The following ZNF813 variants were observed in gnomAD, a reference collection of about 807,000 sequenced individuals.
ZNF813 encodes the protein zinc finger protein 813.
In ZNF813, 3 loss-of-function variants were observed where a neutral mutation model predicts 7.2. The observed-to-expected ratio is 0.42, with a 90% confidence interval of 0.19 to 1.08. ZNF813 has a LOEUF of 1.08. Among genes scored for constraint, ZNF813 ranks in the 50% least tolerant of loss-of-function variants. The pLI is 0.30. For synonymous variants in ZNF813, 227 were observed against 256.3 expected (o/e 0.89, Z 1.09); for missense variants, 714 against 753.3 (o/e 0.95, Z 0.61).
rs751733582 is a variant in ZNF813 at position 53,490,378 on chromosome 19, T to C, written c.146T>C (p.Ile49Thr). 6 of 1,613,870 alleles carry C rather than the reference T, an allele frequency of 3.7e-6. No homozygotes were observed. Among genetic ancestry groups the C allele is most frequent in the Admixed American group, 3.3e-5 (2 of 59,976 alleles). Residue 49 changes from isoleucine (I) to threonine (T), a missense_variant, in exon 4 of 4, where the codon ATC becomes ACC. Around this residue, in one of 3 missense-constraint regions of ZNF813, gnomAD observed 563 missense variants for 554.2 expected, o/e 1.02. Coordinates refer to ENST00000396403, the MANE Select transcript of ZNF813 (RefSeq NM_001004301.4). ...TATTCGTGTTTATATTTTGTAGATATCTCTTCCAAATGCATGATGAAGGAG... is the reference window on the plus strand; with the variant it reads ...TATTCGTGTTTATATTTTGTAGATACCTCTTCCAAATGCATGATGAAGGAG... ...ENYRNLVSLD[I>T]SSKCMMKEFS...
intron 1 of ZNF813, among the ~76,000 whole-genome samples, chr19:53,482,400 A>T (rs903527069): frequency 7.9e-5 from 12 of 152,146 alleles, no homozygotes; most frequent in African/African-American, 2.9e-4. Flanking sequence ...CAGCCCTGTG[A>T]CCAGGGCCCC....
intron 3 of ZNF813, chr19:53,488,253 C>T (rs114903145): frequency 2.2e-6 from 1 of 455,496 alleles, no homozygotes; most frequent in African/African-American, 2.0e-5. Context: ...AAACTCCTGC[C>T]CTCAGGTGAT....
At chr19:53,476,415 G>A (rs2086381989) in intron 1 of ZNF813, among the ~76,000 whole-genome samples, 1 of 151,972 alleles carries the variant, frequency 6.6e-6, no homozygotes, top group Non-Finnish European at 1.5e-5. Context: ...TGGATCACGA[G>A]GTCAGGAGTC....
intron 1 of ZNF813, among the ~76,000 whole-genome samples, chr19:53,468,513 T>C (rs1313122970): frequency 1.3e-5 from 2 of 152,194 alleles, no homozygotes; most frequent in Non-Finnish European, 2.9e-5. Flanking sequence ...TCAGTATTTA[T>C]TGATCATTAT....
chr19:53,488,574 A>T (rs2086444660), intron 3 of ZNF813, among the ~76,000 whole-genome samples: 1 of 141,764 alleles, frequency 7.1e-6, no homozygotes, highest in African/African-American at 2.6e-5. Flanking sequence ...ACACCCGGCT[A>T]ATTTTTTGTA....
chr19:53,481,666 T>C (rs1272120186), intron 1 of ZNF813, among the ~76,000 whole-genome samples: 2 of 152,180 alleles, frequency 1.3e-5, no homozygotes, highest in African/African-American at 4.8e-5. Flanking sequence ...TATTCTTGAT[T>C]GAAAAACTTT....
rs1165688615 is a variant in ZNF813 at position 53,493,833 on chromosome 19, A to G, written c.*1747A>G. 2 of 152,268 alleles carry G rather than the reference A, an allele frequency of 1.3e-5. No homozygotes were observed. Among genetic ancestry groups the G allele is most frequent in the Admixed American group, 1.3e-4 (2 of 15,270 alleles). 9.4% of individuals were successfully genotyped at this position (152,268 alleles called of 1,614,324 possible). A position where few individuals can be genotyped will look rare whatever the true frequency, so the allele number is the denominator to read the frequency against. ...CTAGGACAGCCAGTATTTATTGAAT[A>G]GAAGGGGTGAGAGCATTCTTCCATC... On this transcript the variant is annotated 3_prime_UTR_variant, in exon 4 of 4. Coordinates refer to ENST00000396403, the MANE Select transcript of ZNF813 (RefSeq NM_001004301.4).
intron 1 of ZNF813, chr19:53,479,272 C>A: frequency 1.4e-6 from 2 of 1,399,426 alleles, no homozygotes; most frequent in Non-Finnish European, 2.0e-6. Context: ...TCTTTTAATA[C>A]ATAATCATGG....
chr19:53,479,287 G>A, intron 1 of ZNF813: 1 of 1,476,308 alleles, frequency 6.8e-7, no homozygotes, highest in African/African-American at 1.4e-5. Flanking sequence ...TCATGGAGAG[G>A]AGGCTGCAAT....
At chr19:53,470,240 G>A (rs560309992) in intron 1 of ZNF813, among the ~76,000 whole-genome samples, 7 of 152,034 alleles carry the variant, frequency 4.6e-5, no homozygotes, top group South Asian at 4.1e-4. Flanking sequence ...CTTTGGCTTC[G>A]ACTTCGCAAA....
At chr19:53,483,327 C>G (rs1019240670) in intron 1 of ZNF813, among the ~76,000 whole-genome samples, 2 of 152,062 alleles carry the variant, frequency 1.3e-5, no homozygotes, top group African/African-American at 4.8e-5. Context: ...ACCACAGACA[C>G]ACAGATGTGC....
In ZNF813 at chr19:53,490,608, T is replaced by C. The variant is rs1377953584; in HGVS notation, c.376T>C (p.Tyr126His). The change falls in exon 4 of 4, where the codon TAT becomes CAT. Residue 126 changes from tyrosine (Y) to histidine (H), a missense_variant. Physicochemically the swap from Tyr to His is moderately conservative, Grantham distance 83. Transcript: ENST00000396403. ...IKKLTGSADR[Y>H]DQRHAGNKPI... is the part of the protein sequence containing the mutation. ...AAAGTTGACTGGTAGTGCAGACCGA[T>C]ATGATCAAAGGCATGCTGGAAACAA... 2 of 1,614,088 alleles carry C rather than the reference T, an allele frequency of 1.2e-6. No individual in the cohort carries two copies. The highest frequency in any genetic ancestry group is 1.3e-5 in the African/African-American group (1 of 74,938).
chr19:53,485,589 T>C (rs2086428948), intron 2 of ZNF813, among the ~76,000 whole-genome samples: 1 of 151,902 alleles, frequency 6.6e-6, no homozygotes, highest in South Asian at 2.1e-4. Context: ...TCATGACATA[T>C]GTATGTCATG....
At chr19:53,468,149 C>T (rs2086336602) in intron 1 of ZNF813, among the ~76,000 whole-genome samples, 1 of 151,160 alleles carries the variant, frequency 6.6e-6, no homozygotes, top group African/African-American at 2.4e-5. Context: ...GCCCCAGTCC[C>T]GGGAAGGCCG....
intron 1 of ZNF813, among the ~76,000 whole-genome samples, chr19:53,477,498 A>G (rs2147156583): frequency 6.6e-6 from 1 of 151,928 alleles, no homozygotes; most frequent in South Asian, 2.1e-4. Context: ...TTTTTCTTCT[A>G]CTTGAGTGTG....
intron 1 of ZNF813, among the ~76,000 whole-genome samples, chr19:53,471,809 CAA>C (rs57761931): frequency 1.0e-3 from 124 of 121,060 alleles, no homozygotes; most frequent in Middle Eastern, 4.2e-3. Flanking sequence ...GAGACTGTCT[CAA>C]AAAAAAAAAA....
chr19:53,488,379 G>A (rs773944179), intron 3 of ZNF813: 1 of 340,032 alleles, frequency 2.9e-6, no homozygotes, highest in Non-Finnish European at 5.8e-6. Flanking sequence ...GTGGGTTGGA[G>A]TGACTCTTTA....
rs1259525617 is a variant in ZNF813, at chr19:53,495,205, A to G, written c.*3119A>G. 6.8e-6 allele frequency: 1 copy of G among 146,540 alleles called. No individual in the cohort carries two copies. Among genetic ancestry groups the G allele is most frequent in the African/African-American group, 2.5e-5 (1 of 40,190 alleles). The allele number at this position is 146,540 out of a possible 1,614,324, so 9.1% of individuals were successfully genotyped here. On this transcript the variant is annotated 3_prime_UTR_variant, in exon 4 of 4. Coordinates refer to ENST00000396403, the MANE Select transcript of ZNF813 (RefSeq NM_001004301.4). The stretch of plus-strand genomic sequence containing the variant: ...ATGGAGTGGCAGGCACACCATCCAC[A>G]TCAGTTTTTTTGTTTGTTTTTGTTG...
intron 1 of ZNF813, among the ~76,000 whole-genome samples, chr19:53,468,225 C>CCT: frequency 8.1e-6 from 1 of 123,878 alleles, no homozygotes; most frequent in African/African-American, 2.9e-5. Context: ...TCGCGCCCCC[C>CCT]CCCCCCCACC....
Sources: gnomAD v4.1 joint callset for allele counts (sites outside exome capture counted in the v4.1 genomes callset) on GRCh38, gnomAD v4.1.1 for gene constraint, gnomAD v4.1.1 regional missense constraint, MANE v1.5 for transcripts, NCBI Gene and HGNC (gene_info 2026-07-23, HGNC 2026-07-21) for gene names.